The following TTC28 variants were observed in gnomAD, a reference collection of about 807,000 sequenced individuals.
The protein encoded by TTC28 is tetratricopeptide repeat protein 28.
TTC28 carries 61 observed loss-of-function variants against 198.0 expected under a neutral mutation model. The observed-to-expected ratio is 0.31, with a 90% CI of 0.25 to 0.38. The LOEUF (loss-of-function observed/expected upper bound fraction) is 0.38, where lower values mean the gene tolerates loss of function less well. TTC28 is among the 10% of genes least tolerant of loss of function. The pLI is 1.00. For missense variants in TTC28, 2,678 were observed against 3,164.0 expected (o/e 0.85, Z 3.69); for synonymous variants, 1,171 against 1,297.8 (o/e 0.90, Z 2.10).
At chr22:28,541,715 A>G (rs2049414422) in intron 2 of TTC28, among the ~76,000 whole-genome samples, 1 of 151,926 alleles carries the variant, frequency 6.6e-6, no homozygotes, top group Non-Finnish European at 1.5e-5. Flanking sequence ...TTAAATATAT[A>G]TATATATAGA....
rs148554451 is a variant in TTC28 at position 28,646,990 on chromosome 22, A to C, written c.103-17160T>G. Among the ~76,000 whole-genome samples, 230 of 152,350 alleles carry C rather than the reference A, an allele frequency of 1.5e-3. 5 individuals carry two copies. The East Asian group carries it at 0.04, about 27-fold the overall frequency. ...TTGTTGGACTTCAAATTGTACTATA[A>C]GACTGTACTAACTGGAATGGCATGG... On this transcript the variant is annotated intron_variant, in intron 1 of 22. Coordinates refer to ENST00000397906, the MANE Select transcript of TTC28 (RefSeq NM_001145418.2).
At chr22:28,003,915 C>T (rs151113622) in intron 14 of TTC28, among the ~76,000 whole-genome samples, 244 of 152,338 alleles carry the variant, frequency 1.6e-3, no homozygotes, top group African/African-American at 5.4e-3. Context: ...CCATCAGCCA[C>T]TGAGTGGTGT....
At chr22:28,038,955 C>G (rs1354704349) in intron 12 of TTC28, among the ~76,000 whole-genome samples, 1 of 152,154 alleles carries the variant, frequency 6.6e-6, no homozygotes. Context: ...AAATGCAAAT[C>G]AAAACCACAA....
At chr22:28,316,039 A>G (rs1272187951) in intron 2 of TTC28, among the ~76,000 whole-genome samples, 4 of 152,194 alleles carry the variant, frequency 2.6e-5, no homozygotes, top group African/African-American at 9.6e-5. Context: ...TGGTAGTTCC[A>G]TCCCATTCTT....
At position 28,107,981 on chromosome 22, in the gene TTC28, G is replaced by A. The variant is rs866060908; in HGVS notation, c.1864C>T (p.Arg622Trp). The change falls in exon 7 of 23, where the codon CGG (arginine) becomes TGG (tryptophan). Residue 622 changes from arginine to tryptophan, a missense_variant. Arg to Trp is a moderately radical substitution (Grantham distance 101). This residue lies in a region of TTC28 where 775 missense variants were observed against 845.9 expected (regional missense o/e 0.92). Coordinates refer to ENST00000397906, the MANE Select transcript of TTC28 (RefSeq NM_001145418.2). ...QAAPYYEQYLRLAPDLQDMEG... is the reference protein window; with the variant it reads ...QAAPYYEQYLWLAPDLQDMEG... ...ATGTCTTGAAGGTCGGGAGCAAGCC[G>A]GAGGTACTGTTCATAATAGGGGGCA... 18 of 1,551,490 alleles carry A rather than the reference G, an allele frequency of 1.2e-5. No individual in the cohort carries two copies. Among genetic ancestry groups the A allele is most frequent in the African/African-American group, 1.4e-5 (1 of 73,052 alleles).
intron 10 of TTC28, among the ~76,000 whole-genome samples, chr22:28,096,960 A>G (rs1421960820): frequency 6.6e-6 from 1 of 151,978 alleles, no homozygotes; most frequent in Non-Finnish European, 1.5e-5. Flanking sequence ...ACGGGCCACC[A>G]TTCCTGGCTA....
chr22:28,209,193 C>T (rs575315852), intron 5 of TTC28, among the ~76,000 whole-genome samples: 1 of 152,114 alleles, frequency 6.6e-6, no homozygotes, highest in Non-Finnish European at 1.5e-5. Context: ...CTGGGATGGC[C>T]GAATAGGAAC....
At chr22:28,152,168 T>C (rs1943623564) in intron 6 of TTC28, among the ~76,000 whole-genome samples, 1 of 152,192 alleles carries the variant, frequency 6.6e-6, no homozygotes, top group African/African-American at 2.4e-5. Context: ...CCTAGCTCAA[T>C]GCAAGTAATC....
chr22:28,036,088 A>G (rs1939331812), intron 12 of TTC28, among the ~76,000 whole-genome samples: 1 of 152,184 alleles, frequency 6.6e-6, no homozygotes, highest in Non-Finnish European at 1.5e-5. Flanking sequence ...TCAACGAGAC[A>G]GAAGGTTAAC....
intron 2 of TTC28, among the ~76,000 whole-genome samples, chr22:28,469,861 G>T (rs148483583): frequency 1.5e-3 from 224 of 151,980 alleles, no homozygotes; most frequent in African/African-American, 5.2e-3. Flanking sequence ...TGGAGACAGG[G>T]TCTCACTCTG....
rs1331011183 is a variant in TTC28 at position 28,572,115 on chromosome 22, C to T, written c.381+57437G>A. Among the ~76,000 whole-genome samples the T allele has an allele frequency of 2.0e-5, 3 of 151,714 alleles. No homozygotes were observed. In the East Asian group the frequency reaches 5.8e-4, roughly 29 times the overall value. ...TTGGGAGGTTGAGGAAGGCAGATCA[C>T]TTGAGGCCAGGAGTTGGAGAACTGC... On this transcript the variant is annotated intron_variant, in intron 2 of 22. Coordinates refer to ENST00000397906, the MANE Select transcript of TTC28 (RefSeq NM_001145418.2).
chr22:28,635,034 C>T (rs1189395451), intron 1 of TTC28, among the ~76,000 whole-genome samples: 3 of 152,062 alleles, frequency 2.0e-5, no homozygotes, highest in Non-Finnish European at 4.4e-5. Context: ...AATAGTACTC[C>T]GTAAGGGATG....
chr22:28,131,438 C>A (rs577122920), intron 6 of TTC28, among the ~76,000 whole-genome samples: 2 of 152,314 alleles, frequency 1.3e-5, no homozygotes, highest in East Asian at 3.9e-4. Context: ...TGGCAACACA[C>A]TTCTGTACAC....
intron 2 of TTC28, among the ~76,000 whole-genome samples, chr22:28,613,317 A>G (rs2050850792): frequency 6.6e-6 from 1 of 152,176 alleles, no homozygotes; most frequent in Non-Finnish European, 1.5e-5. Flanking sequence ...ATAGCCTACC[A>G]ACCAAAAAAA....
At chr22:28,613,246 C>T (rs565588143) in intron 2 of TTC28, among the ~76,000 whole-genome samples, 1 of 152,112 alleles carries the variant, frequency 6.6e-6, no homozygotes, top group African/African-American at 2.4e-5. Flanking sequence ...AAGACTAAAC[C>T]AAGAAGAAGT....
Position 28,299,471 on chromosome 22 carries a change from T to C in TTC28, c.530-1619A>G, listed in dbSNP as rs967404416. Among the ~76,000 whole-genome samples the C allele has an allele frequency of 4.6e-5, 7 of 152,220 alleles. No homozygotes were observed. In the East Asian group the frequency reaches 7.7e-4, roughly 17 times the overall value. ...GATCACTAACAGAGAACAAAGAACA[T>C]TTTTACACCTGTCAAGATTCAAGCC... On this transcript the variant is annotated intron_variant, in intron 3 of 22. Transcript: ENST00000397906.
chr22:28,085,149 A>T lies in TTC28; in HGVS notation c.3932+8931T>A, dbSNP rs572392283. On this transcript the variant is annotated intron_variant, in intron 12 of 22. Coordinates refer to ENST00000397906, the MANE Select transcript of TTC28 (RefSeq NM_001145418.2). ...AGGCAGGCCAACATTCAAATTCAGG[A>T]AATACAGAGAATGCCAGAAAGATAC... Among the ~76,000 whole-genome samples, 10 of 152,238 alleles carry T rather than the reference A, an allele frequency of 6.6e-5. No individual in the cohort carries two copies. In the South Asian group the frequency reaches 2.1e-3, roughly 32 times the overall value.
intron 2 of TTC28, among the ~76,000 whole-genome samples, chr22:28,401,217 CGAT>C (rs1334719131): frequency 4.7e-5 from 7 of 149,858 alleles, no homozygotes; most frequent in Admixed American, 6.6e-5. Flanking sequence ...ATGACGATGA[CGAT>C]GACGACGACG....
chr22:28,618,542 C>T (rs879056349), intron 2 of TTC28, among the ~76,000 whole-genome samples: 30 of 151,570 alleles, frequency 2.0e-4, no homozygotes, highest in Admixed American at 1.8e-3. Flanking sequence ...ATTAGCCGGG[C>T]GTGGTAGCGC....
Sources: allele counts gnomAD v4.1 joint callset (sites outside exome capture counted in the v4.1 genomes callset), GRCh38; gene constraint gnomAD v4.1.1; regional missense constraint gnomAD v4.1.1; transcripts MANE v1.5; gene names NCBI Gene and HGNC (gene_info 2026-07-23, HGNC 2026-07-21).